CLYBL: variants seen among roughly 807,000 people sequenced by gnomAD.
CLYBL encodes citramalyl-CoA lyase, also known as citramalyl-CoA lyase, mitochondrial.
CLYBL carries 31 observed loss-of-function variants against 38.9 expected under a neutral mutation model. The ratio of observed to expected loss-of-function variants is 0.80; its 90% CI spans 0.60 to 1.08. The LOEUF is 1.08. Among genes scored for constraint, CLYBL ranks in the 50% least tolerant of loss-of-function variants. The pLI is 0.00. For synonymous variants in CLYBL, 171 were observed against 158.6 expected (o/e 1.08, Z -0.59); for missense variants, 434 against 411.6 (o/e 1.05, Z -0.47).
chr13:99,886,716 G>A lies in CLYBL; in HGVS notation c.928-4602G>A, dbSNP rs558740623. On this transcript the variant is annotated intron_variant, in intron 7 of 8. Transcript: ENST00000339105. Reference sequence around the variant, plus strand: ...GTATCTGTGTGAGCAGTGCAGTCTCGCAAAGATGGCCCTGATTGGGAAGAA... The same window carrying A: ...GTATCTGTGTGAGCAGTGCAGTCTCACAAAGATGGCCCTGATTGGGAAGAA... Among the ~76,000 whole-genome samples, 241 of 152,314 alleles carry A rather than the reference G, an allele frequency of 1.6e-3. 1 individual carries two copies. Among genetic ancestry groups the A allele is most frequent in the African/African-American group, 5.5e-3 (230 of 41,584 alleles).
intron 1 of CLYBL, among the ~76,000 whole-genome samples, chr13:99,631,320 T>A (rs2046940481): frequency 6.8e-6 from 1 of 147,500 alleles, no homozygotes; most frequent in South Asian, 2.3e-4. Flanking sequence ...AGACCCTGTC[T>A]CCAAATATTT....
intron 1 of CLYBL, among the ~76,000 whole-genome samples, chr13:99,735,551 G>A (rs1253232892): frequency 6.6e-6 from 1 of 151,890 alleles, no homozygotes; most frequent in East Asian, 1.9e-4. Context: ...GAGTTAATAG[G>A]CTCTGGCTTG....
chr13:99,691,891 G>A lies in CLYBL; in HGVS notation c.63-80933G>A, dbSNP rs567880913. On this transcript the variant is annotated intron_variant, in intron 1 of 8. Coordinates refer to ENST00000339105, the MANE Select transcript of CLYBL (RefSeq NM_206808.5). ...TGGGATGAAGAAACAGCCCAGGGTG[G>A]TGGGAACACAGAGCGAGAGTTTCTA... 2.6e-5 allele frequency among the ~76,000 whole-genome samples: 4 copies of A among 152,322 alleles called. No individual in the cohort carries two copies. In the South Asian group the frequency reaches 8.3e-4, roughly 32 times the overall value.
rs143954630 is a variant in CLYBL, at chr13:99,871,507, G to A, written c.927+445G>A. 2.9e-4 allele frequency among the ~76,000 whole-genome samples: 44 copies of A among 152,184 alleles called. No individual in the cohort carries two copies. In the East Asian group the frequency reaches 6.6e-3, roughly 23 times the overall value. Reference sequence around the variant, plus strand: ...GGAAAAAAGTACAGAAATCTCCTCCGGTTTAGTCATTTAAGAGTGGGAGGT... The same window carrying A: ...GGAAAAAAGTACAGAAATCTCCTCCAGTTTAGTCATTTAAGAGTGGGAGGT... On this transcript the variant is annotated intron_variant, in intron 7 of 8. Transcript: ENST00000339105.
chr13:99,668,111 A>G (rs111947361), intron 1 of CLYBL, among the ~76,000 whole-genome samples: 45 of 151,970 alleles, frequency 3.0e-4, no homozygotes, highest in African/African-American at 1.1e-3. Flanking sequence ...CTGTCTCTAC[A>G]TAAAATACAA....
intron 8 of CLYBL, among the ~76,000 whole-genome samples, chr13:99,904,178 T>G (rs1359985447): frequency 6.6e-6 from 1 of 152,250 alleles, no homozygotes; most frequent in Non-Finnish European, 1.5e-5. Flanking sequence ...GAATTATTTC[T>G]TGGGCTTTTA....
At chr13:99,800,686 C>G (rs886662508) in intron 2 of CLYBL, among the ~76,000 whole-genome samples, 1 of 152,054 alleles carries the variant, frequency 6.6e-6, no homozygotes, top group African/African-American at 2.4e-5. Flanking sequence ...CAAGCCTGGC[C>G]AACATGGTGA....
chr13:99,660,280 T>G (rs888650251), intron 1 of CLYBL, among the ~76,000 whole-genome samples: 1 of 152,172 alleles, frequency 6.6e-6, no homozygotes, highest in Admixed American at 6.5e-5. Flanking sequence ...AAGCATTGTG[T>G]TTGGGAAAGG....
chr13:99,699,339 C>A (rs561372526), intron 1 of CLYBL, among the ~76,000 whole-genome samples: 1 of 151,870 alleles, frequency 6.6e-6, no homozygotes, highest in African/African-American at 2.4e-5. Flanking sequence ...AAGCTGAGAT[C>A]GTGCCATTGC....
At chr13:99,709,927 T>C (rs9517842) in intron 1 of CLYBL, among the ~76,000 whole-genome samples, 2,675 of 142,018 alleles carry the variant, frequency 0.019, 15 homozygotes, top group Non-Finnish European at 0.027. Flanking sequence ...TTCTTTCTTT[T>C]TTTTTTTTTT....
intron 2 of CLYBL, among the ~76,000 whole-genome samples, chr13:99,779,587 T>C (rs1197496065): frequency 1.3e-5 from 2 of 152,192 alleles, no homozygotes; most frequent in African/African-American, 4.8e-5. Context: ...ACAATACAAA[T>C]GAATTGCTAT....
chr13:99,822,963 CT>C (rs971576099), intron 2 of CLYBL, among the ~76,000 whole-genome samples: 2 of 152,198 alleles, frequency 1.3e-5, no homozygotes, highest in African/African-American at 4.8e-5. Flanking sequence ...ATTGAGCTCT[CT>C]TACCCTTCTC....
chr13:99,869,698 T>C lies in CLYBL; in HGVS notation c.803-1240T>C, dbSNP rs1056136000. Reference sequence around the variant, plus strand: ...TGTTTTTACAAGCATCATTCCTTTTTTCATTCTAATAGAATAATGACAATA... The same window carrying C: ...TGTTTTTACAAGCATCATTCCTTTTCTCATTCTAATAGAATAATGACAATA... On this transcript the variant is annotated intron_variant, in intron 6 of 8. Transcript: ENST00000339105. This position sits in a 1 kb window ranked among gnomAD's most constrained non-coding sequence, Gnocchi z 4.3. Among the ~76,000 whole-genome samples, 1 of 152,122 alleles carries C rather than the reference T, an allele frequency of 6.6e-6. No individual in the cohort carries two copies. The highest frequency in any genetic ancestry group is 2.4e-5 in the African/African-American group (1 of 41,458).
chr13:99,835,975 G>A (rs1380930989), intron 2 of CLYBL, among the ~76,000 whole-genome samples: 5 of 152,182 alleles, frequency 3.3e-5, no homozygotes, highest in African/African-American at 9.7e-5. Flanking sequence ...AGATGACAAC[G>A]ACAAGGGGCA....
At chr13:99,680,831 T>C (rs1283043055) in intron 1 of CLYBL, among the ~76,000 whole-genome samples, 1 of 152,218 alleles carries the variant, frequency 6.6e-6, no homozygotes, top group Non-Finnish European at 1.5e-5. Flanking sequence ...TTTCTCCCAC[T>C]GCCTAAAACC....
At chr13:99,628,669 G>A (rs1252597464) in intron 1 of CLYBL, among the ~76,000 whole-genome samples, 2 of 152,328 alleles carry the variant, frequency 1.3e-5, no homozygotes, top group African/African-American at 4.8e-5. Context: ...GGCAGAACAG[G>A]CTTGTAAACT....
intron 7 of CLYBL, among the ~76,000 whole-genome samples, chr13:99,882,233 A>T (rs571690596): frequency 6.6e-6 from 1 of 152,218 alleles, no homozygotes; most frequent in Non-Finnish European, 1.5e-5. Context: ...ATTTGGGGTA[A>T]AAAGCCTTAG....
chr13:99,883,330 C>T (rs1475206576), intron 7 of CLYBL, among the ~76,000 whole-genome samples: 6 of 151,936 alleles, frequency 3.9e-5, no homozygotes, highest in African/African-American at 1.5e-4. Flanking sequence ...ACCAGCCTGG[C>T]CAACATGGTG....
intron 1 of CLYBL, among the ~76,000 whole-genome samples, chr13:99,756,676 C>G (rs1465673585): frequency 6.6e-6 from 1 of 152,200 alleles, no homozygotes; most frequent in Non-Finnish European, 1.5e-5. Flanking sequence ...CAAGACCGCT[C>G]TTCCAGTGTT....
Sources: allele counts gnomAD v4.1 joint callset (sites outside exome capture counted in the v4.1 genomes callset), GRCh38; gene constraint gnomAD v4.1.1; non-coding constraint Gnocchi (gnomAD v3.1); transcripts MANE v1.5; gene names NCBI Gene and HGNC (gene_info 2026-07-23, HGNC 2026-07-21).